ZFAND3: variants seen among roughly 807,000 people sequenced by gnomAD.
ZFAND3 encodes zinc finger AN1-type containing 3, also known as AN1-type zinc finger protein 3.
A neutral mutation model predicts 29.6 loss-of-function variants in ZFAND3; 10 were observed. That is an observed-to-expected ratio of 0.34 (90% confidence interval 0.21 to 0.57). The LOEUF (loss-of-function observed/expected upper bound fraction) is 0.57. Ranked by LOEUF, ZFAND3 falls within the 20% of genes least tolerant of loss-of-function variation. ZFAND3 has a pLI of 0.86. For synonymous variants in ZFAND3, 128 were observed against 112.6 expected (o/e 1.14, Z -0.87); for missense variants, 230 against 304.5 (o/e 0.76, Z 1.82).
chr6:38,078,114 G>A (rs780895961), intron 3 of ZFAND3, among the ~76,000 whole-genome samples: 3 of 152,124 alleles, frequency 2.0e-5, no homozygotes, highest in Non-Finnish European at 2.9e-5. Context: ...CTCTTTCCCC[G>A]GGAAAATCTA....
Position 38,061,755 on chromosome 6 carries a change from C to T in ZFAND3, c.275C>T (p.Thr92Ile). 1 of 1,614,122 alleles carries T rather than the reference C, an allele frequency of 6.2e-7. No homozygotes were observed. The highest frequency in any genetic ancestry group is 1.1e-5 in the South Asian group (1 of 91,078). ...QQPLPTELNV[T>I]SPSKEECGPC... ...CCGCTTCCGACAGAACTGAATGTAACTTCACCGAGTAAAGAGGAGTGTAAG... is the reference window on the plus strand; with the variant it reads ...CCGCTTCCGACAGAACTGAATGTAATTTCACCGAGTAAAGAGGAGTGTAAG... The change falls in exon 3 of 6, where the codon ACT (threonine) becomes ATT (isoleucine). Residue 92 changes from threonine to isoleucine, a missense_variant. Thr to Ile is a moderately conservative substitution (Grantham distance 89). This residue lies in a region of ZFAND3 where 180 missense variants were observed against 202.5 expected (regional missense o/e 0.89). Coordinates refer to ENST00000287218, the MANE Select transcript of ZFAND3 (RefSeq NM_021943.3).
chr6:37,904,850 C>A (rs1434844244), intron 1 of ZFAND3, among the ~76,000 whole-genome samples: 1 of 152,262 alleles, frequency 6.6e-6, no homozygotes, highest in East Asian at 1.9e-4. Flanking sequence ...GTTGGATTTA[C>A]TTGTGCTTGT....
chr6:37,982,750 A>T (rs1195594940), intron 2 of ZFAND3, among the ~76,000 whole-genome samples: 1 of 152,150 alleles, frequency 6.6e-6, no homozygotes, highest in African/African-American at 2.4e-5. Flanking sequence ...TTATTTTTTT[A>T]AAAAGTTAAC....
intron 2 of ZFAND3, among the ~76,000 whole-genome samples, chr6:37,989,333 A>G (rs1410430082): frequency 2.0e-5 from 3 of 152,224 alleles, no homozygotes; most frequent in African/African-American, 7.2e-5. Flanking sequence ...TTTATTCCTC[A>G]TAATACTACT....
intron 2 of ZFAND3, among the ~76,000 whole-genome samples, chr6:38,045,742 A>C (rs1367413277): frequency 2.6e-5 from 4 of 152,216 alleles, no homozygotes; most frequent in Non-Finnish European, 5.9e-5. Context: ...TTTTCTTTTT[A>C]AAATGATGAT....
chr6:38,101,240 TTC>T (rs1048826256), intron 4 of ZFAND3, among the ~76,000 whole-genome samples: 7 of 152,136 alleles, frequency 4.6e-5, no homozygotes, highest in African/African-American at 1.7e-4. Context: ...GCAAATGGAG[TTC>T]TCTTTTTTTA....
At chr6:38,119,648 G>T (rs1015338960) in intron 5 of ZFAND3, among the ~76,000 whole-genome samples, 7 of 152,208 alleles carry the variant, frequency 4.6e-5, no homozygotes, top group Non-Finnish European at 1.0e-4. Context: ...CCAATTAAAG[G>T]CAGGGAAGAC....
intron 2 of ZFAND3, among the ~76,000 whole-genome samples, chr6:37,951,836 T>A (rs1762004826): frequency 6.6e-6 from 1 of 152,224 alleles, no homozygotes; most frequent in African/African-American, 2.4e-5. Context: ...GGGTTTGTCA[T>A]AGATGGCTAT....
intron 2 of ZFAND3, among the ~76,000 whole-genome samples, chr6:37,941,364 CTCTTT>C (rs1254186120): frequency 2.6e-5 from 4 of 152,164 alleles, no homozygotes; most frequent in Admixed American, 1.3e-4. Flanking sequence ...TTTTCTTCTG[CTCTTT>C]TCTTTTAGTT....
chr6:37,930,181 T>C (rs911532374), intron 2 of ZFAND3, among the ~76,000 whole-genome samples, 182 bp downstream of exon 2: 4 of 152,160 alleles, frequency 2.6e-5, no homozygotes, highest in Non-Finnish European at 4.4e-5. Context: ...CCTAGGACGG[T>C]TGAAACAGTT....
At chr6:37,822,059 T>A (rs1382370137) in intron 1 of ZFAND3, among the ~76,000 whole-genome samples, 1 of 152,216 alleles carries the variant, frequency 6.6e-6, no homozygotes, top group African/African-American at 2.4e-5. Flanking sequence ...GGTCTCAAAC[T>A]TCTGACCTCA....
intron 4 of ZFAND3, among the ~76,000 whole-genome samples, chr6:38,102,273 ACACT>A (rs1004495580): frequency 2.6e-5 from 4 of 152,216 alleles, no homozygotes; most frequent in African/African-American, 9.6e-5. Flanking sequence ...AAGATGAGAA[ACACT>A]CACGAGTAGG....
intron 5 of ZFAND3, among the ~76,000 whole-genome samples, chr6:38,144,171 G>GATATAT (rs1315714773): frequency 3.4e-5 from 3 of 87,338 alleles, no homozygotes; most frequent in African/African-American, 1.6e-4. Flanking sequence ...AGAAAAATGT[G>GATATAT]ATATATATAT....
intron 1 of ZFAND3, among the ~76,000 whole-genome samples, chr6:37,828,788 C>G (rs1763805721): frequency 6.6e-6 from 1 of 151,964 alleles, no homozygotes; most frequent in Admixed American, 6.6e-5. Flanking sequence ...GTAGCTGGGA[C>G]TACAGGTGCC....
intron 3 of ZFAND3, among the ~76,000 whole-genome samples, chr6:38,071,258 C>G (rs908976509): frequency 1.3e-5 from 2 of 151,884 alleles, no homozygotes; most frequent in African/African-American, 4.8e-5. Context: ...CTTTTGTCTT[C>G]CAGTTTTCTG....
chr6:38,045,433 C>T (rs1254208741), intron 2 of ZFAND3, among the ~76,000 whole-genome samples: 5 of 152,080 alleles, frequency 3.3e-5, no homozygotes, highest in African/African-American at 4.8e-5. Flanking sequence ...ATTTCTTATG[C>T]ATGCATTCTT....
chr6:38,061,409 T>C (rs1391850094), intron 2 of ZFAND3, among the ~76,000 whole-genome samples, 184 bp from the exon 3 acceptor site: 1 of 152,230 alleles, frequency 6.6e-6, no homozygotes. Context: ...AACTTTTAAC[T>C]CTAGTACCTT....
Position 38,120,320 on chromosome 6 carries a change from C to CTTTTTTTTTTTTTT in ZFAND3, c.529+3598_529+3611dup, listed in dbSNP as rs70981523. On this transcript the variant is annotated intron_variant, in intron 5 of 5. Transcript: ENST00000287218. ...TGATTGATACACGTAGCTTGGCTTC[C>CTTTTTTTTTTTTTT]TTTTTTTTTTTTTTTTTTTTTTTTT... Among the ~76,000 whole-genome samples, 80 of 60,730 alleles carry CTTTTTTTTTTTTTT rather than the reference C, an allele frequency of 1.3e-3. 17 individuals are homozygous for CTTTTTTTTTTTTTT. The highest frequency in any genetic ancestry group is 2.0e-3 in the Non-Finnish European group (64 of 31,824). 39.8% of individuals were successfully genotyped at this position (60,730 alleles called of 152,430 possible). A position where few individuals can be genotyped will look rare whatever the true frequency, so the allele number is the denominator to read the frequency against.
At chr6:38,051,429 G>T (rs1000730896) in intron 2 of ZFAND3, among the ~76,000 whole-genome samples, 6 of 152,132 alleles carry the variant, frequency 3.9e-5, no homozygotes, top group African/African-American at 1.2e-4. Context: ...AAAGCCTTAG[G>T]TCTGGGGTAA....
Sources: allele counts gnomAD v4.1 joint callset (sites outside exome capture counted in the v4.1 genomes callset), GRCh38; gene constraint gnomAD v4.1.1; regional missense constraint gnomAD v4.1.1; transcripts MANE v1.5; gene names NCBI Gene and HGNC (gene_info 2026-07-23, HGNC 2026-07-21).